UXS1: variants seen among roughly 807,000 people sequenced by gnomAD.
UXS1 encodes the protein UDP-glucuronic acid decarboxylase 1.
UXS1 carries 33 observed loss-of-function variants against 62.6 expected under a neutral mutation model. That is an observed-to-expected ratio of 0.53 (90% CI 0.40 to 0.70). The LOEUF is 0.70. UXS1 is among the 30% of genes least tolerant of loss of function. The pLI, the probability that UXS1 is intolerant of heterozygous loss-of-function variation, is 0.00. For missense variants in UXS1, 434 were observed against 556.3 expected (o/e 0.78, Z 2.21); for synonymous variants, 213 against 206.8 (o/e 1.03, Z -0.26).
intron 5 of UXS1, among the ~76,000 whole-genome samples, chr2:106,157,253 A>G (rs1053328314): frequency 4.6e-5 from 6 of 130,760 alleles, no homozygotes; most frequent in Non-Finnish European, 9.6e-5. Context: ...TATGTGAATT[A>G]TATCCCAATA....
intron 14 of UXS1, among the ~76,000 whole-genome samples, chr2:106,095,318 C>G (rs376753802): frequency 1.5e-4 from 23 of 152,276 alleles, no homozygotes; most frequent in South Asian, 1.0e-3. Context: ...TTTTGCACAG[C>G]TTGGGATTAT....
chr2:106,160,048 G>C (rs1682768513), intron 4 of UXS1: 1 of 152,288 alleles, frequency 6.6e-6, no homozygotes. Flanking sequence ...CCTCAGGAAA[G>C]TCATCCATGC....
chr2:106,152,812 T>G (rs565641044), intron 5 of UXS1, among the ~76,000 whole-genome samples: 4 of 151,988 alleles, frequency 2.6e-5, no homozygotes, highest in African/African-American at 4.8e-5. Context: ...AATAATAGGA[T>G]TCCAGTCACG....
At chr2:106,186,541 A>G (rs1346822526) in intron 1 of UXS1, among the ~76,000 whole-genome samples, 1 of 152,108 alleles carries the variant, frequency 6.6e-6, no homozygotes, top group Non-Finnish European at 1.5e-5. Flanking sequence ...TGTTATGAGA[A>G]ACAATCAAAC....
intron 1 of UXS1, among the ~76,000 whole-genome samples, chr2:106,185,323 T>G (rs1053749773): frequency 2.0e-5 from 3 of 152,142 alleles, no homozygotes; most frequent in African/African-American, 7.2e-5. Context: ...AATGGGAAAA[T>G]TGTTGAAAAT....
intron 1 of UXS1, among the ~76,000 whole-genome samples, chr2:106,184,121 G>A (rs150164977): frequency 4.7e-4 from 71 of 152,310 alleles, no homozygotes; most frequent in East Asian, 3.5e-3. Flanking sequence ...GAACCTGGGA[G>A]GCAGAAGTCA....
chr2:106,099,566 T>C (rs1677413301), intron 12 of UXS1, among the ~76,000 whole-genome samples: 1 of 152,180 alleles, frequency 6.6e-6, no homozygotes, highest in Non-Finnish European at 1.5e-5. Flanking sequence ...AAGAAAGTGA[T>C]TCTGCCTTTC....
chr2:106,129,106 GACC>G (rs1411684612), intron 7 of UXS1, among the ~76,000 whole-genome samples: 2 of 152,138 alleles, frequency 1.3e-5, no homozygotes, highest in African/African-American at 4.8e-5. Context: ...ATACACATAT[GACC>G]ACCATTAACA....
In UXS1 at chr2:106,172,334, T is replaced by G. The variant is rs185359903; in HGVS notation, c.95-6251A>C. Among the ~76,000 whole-genome samples the G allele has an allele frequency of 4.1e-4, 63 of 152,288 alleles. No individual in the cohort carries two copies. The East Asian group carries it at 0.012, about 28-fold the overall frequency. On this transcript the variant is annotated intron_variant, in intron 1 of 14. Transcript: ENST00000283148. The stretch of plus-strand genomic sequence containing the variant: ...GATGCTGGAGGACTTACCCCTTTAT[T>G]GAGACCTAGGCCTCTAGACGGAACC...
At chr2:106,110,986 G>C (rs1361539676) in intron 10 of UXS1, among the ~76,000 whole-genome samples, 3 of 152,184 alleles carry the variant, frequency 2.0e-5, no homozygotes, top group Non-Finnish European at 4.4e-5. Flanking sequence ...AGGAGCAAGG[G>C]AGCAAGGAAG....
At chr2:106,183,746 G>A (rs531007503) in intron 1 of UXS1, 8 of 152,254 alleles carry the variant, frequency 5.3e-5, no homozygotes, top group Admixed American at 5.2e-4. Flanking sequence ...GCTCTTTAGA[G>A]AAATCCCTTC....
chr2:106,109,460 A>G (rs1678397358), intron 10 of UXS1, among the ~76,000 whole-genome samples: 1 of 152,152 alleles, frequency 6.6e-6, no homozygotes, highest in African/African-American at 2.4e-5. Flanking sequence ...CTGGATTCAA[A>G]CCCCAATTCT....
In UXS1 at chr2:106,157,978, T is replaced by G. The variant is rs1682577243; in HGVS notation, c.291+80A>C. Reference sequence around the variant, plus strand: ...AATCGTATCTTTGAGAAGCGTGAATTCTATGATATGTGAATTATCTCTCAA... The same window carrying G: ...AATCGTATCTTTGAGAAGCGTGAATGCTATGATATGTGAATTATCTCTCAA... On this transcript the variant is annotated intron_variant, in intron 5 of 14. Coordinates refer to ENST00000283148, the MANE Select transcript of UXS1 (RefSeq NM_001253875.2). 2.4e-6 allele frequency: 3 copies of G among 1,232,548 alleles called. No individual in the cohort carries two copies. In the East Asian group the frequency reaches 7.6e-5, roughly 31 times the overall value. 76.4% of individuals were successfully genotyped at this position (1,232,548 alleles called of 1,614,324 possible). A position where few individuals can be genotyped will look rare whatever the true frequency, so the allele number is the denominator to read the frequency against.
chr2:106,167,564 T>C (rs1477962958), intron 1 of UXS1, among the ~76,000 whole-genome samples: 1 of 151,874 alleles, frequency 6.6e-6, no homozygotes, highest in Non-Finnish European at 1.5e-5. Context: ...TGTTGCTAAT[T>C]CCATAGAAGC....
rs1320814892 is a variant in UXS1, at chr2:106,139,299, CA to C, written c.472+5890del. Among the ~76,000 whole-genome samples the C allele has an allele frequency of 2.6e-5, 4 of 152,294 alleles. No homozygotes were observed. In the East Asian group the frequency reaches 7.7e-4, roughly 29 times the overall value. The stretch of plus-strand genomic sequence containing the variant: ...AGCTCAGCTAGAAAAATAGAAGTCT[CA>C]AGAAATGAGCCTAAAAGAGCTCCAA... On this transcript the variant is annotated intron_variant, in intron 6 of 14. Transcript: ENST00000283148.
chr2:106,156,179 T>C (rs1247386739), intron 5 of UXS1, among the ~76,000 whole-genome samples: 2 of 152,110 alleles, frequency 1.3e-5, no homozygotes, highest in Non-Finnish European at 2.9e-5. Context: ...TATAAAGAAC[T>C]TAATTCAATG....
At chr2:106,115,368 G>C (rs1678977876) in intron 9 of UXS1, among the ~76,000 whole-genome samples, 1 of 152,216 alleles carries the variant, frequency 6.6e-6, no homozygotes, top group Non-Finnish European at 1.5e-5. Flanking sequence ...ACAATGTTCT[G>C]CCTGCGAGTG....
chr2:106,105,795 G>A (rs1352763242), intron 10 of UXS1, among the ~76,000 whole-genome samples: 1 of 152,192 alleles, frequency 6.6e-6, no homozygotes, highest in Non-Finnish European at 1.5e-5. Flanking sequence ...TCCTAAGCGC[G>A]GCATCACAGG....
At chr2:106,122,921 C>G in intron 9 of UXS1, 49 bp downstream of exon 9, 1 of 1,604,792 alleles carries the variant, frequency 6.2e-7, no homozygotes, top group South Asian at 1.1e-5. Context: ...CATCTGAGGT[C>G]AGGGTGCTCA....
Sources: gnomAD v4.1 joint callset for allele counts (sites outside exome capture counted in the v4.1 genomes callset) on GRCh38, gnomAD v4.1.1 for gene constraint, MANE v1.5 for transcripts, NCBI Gene and HGNC (gene_info 2026-07-23, HGNC 2026-07-21) for gene names.